MPZL1: variants seen among roughly 807,000 people sequenced by gnomAD.
The protein encoded by MPZL1 is myelin protein zero like 1, also known as myelin protein zero-like protein 1.
MPZL1 carries 16 observed loss-of-function variants against 29.3 expected under a neutral mutation model. The observed-to-expected ratio is 0.55, with a 90% CI of 0.37 to 0.83. The LOEUF (loss-of-function observed/expected upper bound fraction) is 0.83, where lower values mean the gene tolerates loss of function less well. Among genes scored for constraint, MPZL1 ranks in the 40% least tolerant of loss-of-function variants. The pLI, the probability that MPZL1 is intolerant of heterozygous loss-of-function variation, is 0.00. For missense variants in MPZL1, 279 were observed against 332.9 expected (o/e 0.84, Z 1.26); for synonymous variants, 143 against 132.0 (o/e 1.08, Z -0.57).
rs1387652331 is a variant in MPZL1, at chr1:167,739,282, C to CATATATACATATATAT, written c.91+17047_91+17048insCATATATATATATATA. The stretch of plus-strand genomic sequence containing the variant: ...ATACACATACATATATACATATATA[C>CATATATACATATATAT]ATATATATATATATATATATATATA... On this transcript the variant is annotated intron_variant, in intron 1 of 5. Transcript: ENST00000359523. 3.4e-3 allele frequency among the ~76,000 whole-genome samples: 307 copies of CATATATACATATATAT among 90,326 alleles called. 2 individuals carry two copies. The highest frequency in any genetic ancestry group is 0.014 in the East Asian group (50 of 3,604). The allele number at this position is 90,326 out of a possible 152,430, so 59.3% of individuals were successfully genotyped here.
At chr1:167,733,826 G>T (rs1179141970) in intron 1 of MPZL1, among the ~76,000 whole-genome samples, 1 of 151,474 alleles carries the variant, frequency 6.6e-6, no homozygotes. Context: ...GATTGTTTGA[G>T]CCCAAGAGTT....
At chr1:167,776,009 A>G in intron 4 of MPZL1, 55 bp from the exon 5 acceptor site, 1 of 1,217,682 alleles carries the variant, frequency 8.2e-7, no homozygotes, top group Non-Finnish European at 1.1e-6. Flanking sequence ...TTTTGTTTCT[A>G]TTTATTTATT....
intron 1 of MPZL1, among the ~76,000 whole-genome samples, chr1:167,737,022 T>G (rs577329722): frequency 2.0e-4 from 31 of 152,362 alleles, no homozygotes; most frequent in Non-Finnish European, 3.2e-4. Flanking sequence ...CCCTTGTCCC[T>G]TATTTACCTG....
intron 2 of MPZL1, among the ~76,000 whole-genome samples, 163 bp from the exon 3 acceptor site, chr1:167,772,112 G>A (rs1256974962): frequency 6.6e-6 from 1 of 152,146 alleles, no homozygotes; most frequent in Non-Finnish European, 1.5e-5. Context: ...AACAGAGGGA[G>A]ACCGAAAAAA....
rs1027136020 is a variant in MPZL1 at position 167,791,528 on chromosome 1, C to T, written c.*3607C>T. 2 of 152,246 alleles carry T rather than the reference C, an allele frequency of 1.3e-5. No homozygotes were observed. The highest frequency in any genetic ancestry group is 2.4e-5 in the African/African-American group (1 of 41,454). 9.4% of individuals were successfully genotyped at this position (152,246 alleles called of 1,614,324 possible). A position where few individuals can be genotyped will look rare whatever the true frequency, so the allele number is the denominator to read the frequency against. On this transcript the variant is annotated 3_prime_UTR_variant, in exon 6 of 6. Transcript: ENST00000359523. ...TTTCTGTGAGTTAACAGTAATTGTA[C>T]TAATCTTAATCCCATTGTTTGAAAG...
At chr1:167,759,636 TG>T (rs1417633913) in intron 1 of MPZL1, among the ~76,000 whole-genome samples, 1 of 152,228 alleles carries the variant, frequency 6.6e-6, no homozygotes, top group Admixed American at 6.5e-5. Context: ...AAGGAAACCA[TG>T]TGCAGTTTTA....
At chr1:167,725,345 AATCTCGGCTTACTG>A in intron 1 of MPZL1, among the ~76,000 whole-genome samples, 1 of 152,072 alleles carries the variant, frequency 6.6e-6, no homozygotes, top group African/African-American at 2.4e-5. Context: ...GCAGTGGCAC[AATCTCGGCTTACTG>A]CAACCTCCAT....
intron 1 of MPZL1, among the ~76,000 whole-genome samples, chr1:167,739,950 T>A (rs1308844746): frequency 6.6e-6 from 1 of 152,150 alleles, no homozygotes; most frequent in Non-Finnish European, 1.5e-5. Context: ...TGCTTTTGTT[T>A]TGTATTCGTT....
chr1:167,741,005 AT>A, intron 1 of MPZL1, among the ~76,000 whole-genome samples: 1 of 152,220 alleles, frequency 6.6e-6, no homozygotes, highest in Non-Finnish European at 1.5e-5. Flanking sequence ...CAGCACCAGA[AT>A]TACTGCAGTC....
chr1:167,739,274 C>CATATACAT (rs1660452463), intron 1 of MPZL1, among the ~76,000 whole-genome samples: 7 of 83,298 alleles, frequency 8.4e-5, no homozygotes, highest in African/African-American at 3.9e-4. Context: ...TACATATATA[C>CATATACAT]ATATATACAT....
intron 2 of MPZL1, among the ~76,000 whole-genome samples, chr1:167,771,678 A>G (rs1471845197): frequency 6.6e-6 from 1 of 151,396 alleles, no homozygotes; most frequent in Non-Finnish European, 1.5e-5. Context: ...CACATCCCAG[A>G]GGATGGGCGG....
intron 1 of MPZL1, among the ~76,000 whole-genome samples, chr1:167,744,234 G>A (rs747658691): frequency 3.3e-5 from 5 of 151,898 alleles, no homozygotes; most frequent in East Asian, 3.8e-4. Context: ...TTCTTGTCTC[G>A]GGTAACCCTG....
At chr1:167,785,929 A>T (rs1407584461) in intron 5 of MPZL1, among the ~76,000 whole-genome samples, 1 of 151,438 alleles carries the variant, frequency 6.6e-6, no homozygotes, top group East Asian at 1.9e-4. Flanking sequence ...AGTAGCTGGG[A>T]CTCCAGGCGC....
intron 5 of MPZL1, among the ~76,000 whole-genome samples, chr1:167,786,181 G>A (rs903483057): frequency 2.6e-5 from 4 of 152,146 alleles, no homozygotes; most frequent in Admixed American, 6.5e-5. Context: ...GGGTCTGTAT[G>A]ATTATTAACC....
intron 1 of MPZL1, among the ~76,000 whole-genome samples, chr1:167,753,281 G>A (rs997446094): frequency 1.3e-5 from 2 of 152,172 alleles, no homozygotes; most frequent in African/African-American, 4.8e-5. Context: ...ATACCAGCTC[G>A]CCACCAACAG....
Position 167,788,005 on chromosome 1 carries a change from G to C in MPZL1, c.*84G>C. The C allele has an allele frequency of 2.6e-6, 3 of 1,132,796 alleles. No individual in the cohort carries two copies. The highest frequency in any genetic ancestry group is 4.0e-6 in the Non-Finnish European group (3 of 754,268). 70.2% of individuals were successfully genotyped at this position (1,132,796 alleles called of 1,614,324 possible). On this transcript the variant is annotated 3_prime_UTR_variant, in exon 6 of 6. Coordinates refer to ENST00000359523, the MANE Select transcript of MPZL1 (RefSeq NM_003953.6). ...AAAATGTAGCCCATTACCACATGTA[G>C]CCTTGGAGACCCAGGCAAGGACAAG... is the stretch of plus-strand genomic sequence containing the variant.
intron 1 of MPZL1, among the ~76,000 whole-genome samples, chr1:167,725,642 T>C (rs1431039011): frequency 2.0e-5 from 3 of 152,028 alleles, no homozygotes; most frequent in Non-Finnish European, 2.9e-5. Flanking sequence ...CATGCCACCA[T>C]GCCCAGCTAA....
intron 1 of MPZL1, among the ~76,000 whole-genome samples, chr1:167,745,555 A>G (rs1660628544): frequency 6.6e-6 from 1 of 152,032 alleles, no homozygotes; most frequent in Non-Finnish European, 1.5e-5. Flanking sequence ...TGGGCAAAGA[A>G]GCTTTTTTTG....
intron 5 of MPZL1, among the ~76,000 whole-genome samples, chr1:167,780,344 T>C (rs904705189): frequency 1.3e-5 from 2 of 152,182 alleles, no homozygotes; most frequent in Non-Finnish European, 2.9e-5. Context: ...TCATATGCTG[T>C]CTGCAATAAA....
Sources: allele counts gnomAD v4.1 joint callset (sites outside exome capture counted in the v4.1 genomes callset), GRCh38; gene constraint gnomAD v4.1.1; transcripts MANE v1.5; gene names NCBI Gene and HGNC (gene_info 2026-07-23, HGNC 2026-07-21).